Variants in CDC40 observed in about 807,000 individuals in gnomAD.
CDC40 encodes the protein cell division cycle 40, also known as pre-mRNA-processing factor 17.
Under a neutral mutation model 80.6 loss-of-function variants are expected in CDC40, and 27 were observed. That is an observed-to-expected ratio of 0.33 (90% CI 0.25 to 0.46). The LOEUF is 0.46. Among genes scored for constraint, CDC40 ranks in the 20% least tolerant of loss-of-function variants. CDC40 has a pLI of 1.00. For synonymous variants in CDC40, 221 were observed against 232.6 expected (o/e 0.95, Z 0.45); for missense variants, 486 against 694.1 (o/e 0.70, Z 3.37).
chr6:110,185,757 C>A (rs1278779833), intron 1 of CDC40, among the ~76,000 whole-genome samples: 1 of 152,196 alleles, frequency 6.6e-6, no homozygotes, highest in Admixed American at 6.5e-5. Flanking sequence ...TGAAATTGCA[C>A]TTCTAAGCAA....
At chr6:110,209,917 A>C (rs918868798) in intron 5 of CDC40, among the ~76,000 whole-genome samples, 1 of 152,170 alleles carries the variant, frequency 6.6e-6, no homozygotes, top group Non-Finnish European at 1.5e-5. Flanking sequence ...TTGACTTGTT[A>C]TTATAGATAG....
At chr6:110,183,721 T>C (rs1777229718) in intron 1 of CDC40, among the ~76,000 whole-genome samples, 1 of 152,260 alleles carries the variant, frequency 6.6e-6, no homozygotes, top group Non-Finnish European at 1.5e-5. Context: ...CTAATTGTAT[T>C]ATGATTAATA....
chr6:110,189,274 G>A (rs1777315165), intron 1 of CDC40, among the ~76,000 whole-genome samples: 1 of 152,092 alleles, frequency 6.6e-6, no homozygotes, highest in South Asian at 2.1e-4. Context: ...CTTCTAGAGA[G>A]CTGTAAACTT....
intron 1 of CDC40, among the ~76,000 whole-genome samples, 156 bp downstream of exon 1, chr6:110,180,789 G>A (rs1777174722): frequency 1.3e-5 from 2 of 152,222 alleles, no homozygotes; most frequent in East Asian, 1.9e-4. Flanking sequence ...ATCCTCGGGA[G>A]AGGCAGAATT....
chr6:110,221,989 C>G (rs1777783627), intron 12 of CDC40, among the ~76,000 whole-genome samples: 1 of 151,538 alleles, frequency 6.6e-6, no homozygotes, highest in South Asian at 2.1e-4. Flanking sequence ...GGTGCAGTGG[C>G]TGATGCCTGT....
At chr6:110,224,560 T>G (rs1204933757) in intron 12 of CDC40, 1 of 152,262 alleles carries the variant, frequency 6.6e-6, no homozygotes, top group Non-Finnish European at 1.5e-5. Context: ...GGCTAATTTT[T>G]GTATTTTTAG....
At chr6:110,223,166 C>T (rs1777799227) in intron 12 of CDC40, among the ~76,000 whole-genome samples, 1 of 152,128 alleles carries the variant, frequency 6.6e-6, no homozygotes, top group South Asian at 2.1e-4. Context: ...CTCACTGCAG[C>T]CTTGAACTCC....
chr6:110,220,570 A>G (rs565338650), intron 12 of CDC40, among the ~76,000 whole-genome samples: 216 of 149,734 alleles, frequency 1.4e-3, no homozygotes, highest in African/African-American at 4.9e-3. Flanking sequence ...TCAGCCTCCC[A>G]AGTAGCTGGG....
chr6:110,216,850 T>C (rs940685849), intron 9 of CDC40, among the ~76,000 whole-genome samples: 1 of 152,236 alleles, frequency 6.6e-6, no homozygotes, highest in Admixed American at 6.5e-5. Flanking sequence ...AAGTAAAGTA[T>C]AATAATCAGC....
At chr6:110,185,190 G>A (rs557847788) in intron 1 of CDC40, among the ~76,000 whole-genome samples, 1 of 150,182 alleles carries the variant, frequency 6.7e-6, no homozygotes, top group Non-Finnish European at 1.5e-5. Flanking sequence ...TGTAGTTTCT[G>A]TCACTTCTTT....
intron 8 of CDC40, 126 bp from the exon 9 acceptor site, chr6:110,215,160 A>G (rs879622754): frequency 1.5e-6 from 1 of 689,156 alleles, no homozygotes; most frequent in South Asian, 1.8e-5. Flanking sequence ...TTAATATTTA[A>G]TGATTGAAGC....
intron 2 of CDC40, among the ~76,000 whole-genome samples, chr6:110,200,040 T>G (rs1460329834): frequency 6.6e-6 from 1 of 152,190 alleles, no homozygotes; most frequent in Non-Finnish European, 1.5e-5. Context: ...TTCCCCGACA[T>G]TTTTCACCCA....
chr6:110,193,064 TATG>T (rs1194936535), intron 1 of CDC40, 115 bp from the exon 2 acceptor site: 7 of 570,694 alleles, frequency 1.2e-5, no homozygotes, highest in Middle Eastern at 4.1e-4. Flanking sequence ...TTATTAATCA[TATG>T]ATAAGTTATA....
In CDC40 at chr6:110,180,633, G is replaced by A. The variant is rs755414156; in HGVS notation, c.189G>A (p.Lys63=). Residue 63 remains lysine, a splice_region_variant and synonymous_variant, in exon 1 of 15, where the codon AAG becomes AAA. Transcript: ENST00000307731. ...ACTCGGCTCCGGAGGTGGCAGTTAA[G>A]GTAAGCACTTTTGCTACTAATGCAG... is the stretch of plus-strand genomic sequence containing the variant. ...AVDSAPEVAV[K]EDLETGVHLD... 1.9e-6 allele frequency: 3 copies of A among 1,610,502 alleles called. No homozygotes were observed. The highest frequency in any genetic ancestry group is 4.5e-5 in the East Asian group (2 of 44,788).
intron 11 of CDC40, 97 bp downstream of exon 11, chr6:110,219,576 G>T: frequency 9.1e-7 from 1 of 1,098,156 alleles, no homozygotes. Flanking sequence ...TTTAATGTTT[G>T]CTACTTTTAG....
Position 110,217,682 on chromosome 6 carries a change from T to G in CDC40, c.989-20T>G. 1 of 1,133,096 alleles carries G rather than the reference T, an allele frequency of 8.8e-7. No individual in the cohort carries two copies. The highest frequency in any genetic ancestry group is 1.5e-5 in the African/African-American group (1 of 66,064). 70.2% of individuals were successfully genotyped at this position (1,133,096 alleles called of 1,614,324 possible). A position where few individuals can be genotyped will look rare whatever the true frequency, so the allele number is the denominator to read the frequency against. ...TATGATACTTCACCTCATTGCTGTTTCTGTTGACTCCACCTTTAGGTCACA... is the reference window on the plus strand; with the variant it reads ...TATGATACTTCACCTCATTGCTGTTGCTGTTGACTCCACCTTTAGGTCACA... On this transcript the variant is annotated intron_variant, in intron 9 of 14. Coordinates refer to ENST00000307731, the MANE Select transcript of CDC40 (RefSeq NM_015891.3).
chr6:110,204,693 C>G (rs927925108), intron 3 of CDC40, among the ~76,000 whole-genome samples: 1 of 134,164 alleles, frequency 7.5e-6, no homozygotes, highest in Non-Finnish European at 1.5e-5. Flanking sequence ...GACAGGATCT[C>G]GCTCTGTCAC....
intron 8 of CDC40, 111 bp from the exon 9 acceptor site, chr6:110,215,175 C>A: frequency 1.3e-6 from 1 of 766,794 alleles, no homozygotes; most frequent in Non-Finnish European, 2.3e-6. Context: ...TGAAGCTGTG[C>A]GTTTACACAC....
chr6:110,187,166 G>A (rs12665152), intron 1 of CDC40, among the ~76,000 whole-genome samples: 2 of 152,108 alleles, frequency 1.3e-5, no homozygotes, highest in African/African-American at 4.8e-5. Context: ...TTTTAGTAGA[G>A]ACGGGGTTTC....
Sources: allele counts gnomAD v4.1 joint callset (sites outside exome capture counted in the v4.1 genomes callset), GRCh38; gene constraint gnomAD v4.1.1; transcripts MANE v1.5; gene names NCBI Gene and HGNC (gene_info 2026-07-23, HGNC 2026-07-21).